Variants in COL23A1 observed in about 807,000 individuals in gnomAD.
The protein encoded by COL23A1 is collagen type XXIII alpha 1 chain, also known as collagen alpha-1(XXIII) chain.
Under a neutral mutation model 99.3 loss-of-function variants are expected in COL23A1, and 97 were observed. That is an observed-to-expected ratio of 0.98 (90% CI 0.83 to 1.16). The LOEUF is 1.16. COL23A1 is among the 50% of genes most tolerant of loss of function. COL23A1 has a pLI of 0.00. For synonymous variants in COL23A1, 320 were observed against 308.2 expected (o/e 1.04, Z -0.40); for missense variants, 762 against 757.4 (o/e 1.01, Z -0.07).
rs112080947 is a variant in COL23A1, at chr5:178,246,008, G to A, written c.1414-40C>T. 6.2e-4 allele frequency: 992 copies of A among 1,612,486 alleles called. 1 individual carries two copies. The African/African-American group carries it at 7.2e-3, about 12-fold the overall frequency. On this transcript the variant is annotated intron_variant, in intron 24 of 28. Transcript: ENST00000390654. ...AGAGTGGGTGAGAGGGGTTGGGGAG[G>A]GGTGCTGGGAGCACAGCTGCTGGGA...
chr5:178,312,800 G>GACA (rs58982135), intron 2 of COL23A1, among the ~76,000 whole-genome samples: 10,332 of 152,140 alleles, frequency 0.068, 684 homozygotes, highest in African/African-American at 0.17. Flanking sequence ...AGCCCCTGAG[G>GACA]ACAGGGGGTT....
chr5:178,391,542 C>T (rs1763962717), intron 2 of COL23A1, among the ~76,000 whole-genome samples: 1 of 152,180 alleles, frequency 6.6e-6, no homozygotes, highest in Admixed American at 6.5e-5. Flanking sequence ...CCACTTCACT[C>T]CCACTAGGAT....
intron 2 of COL23A1, among the ~76,000 whole-genome samples, chr5:178,447,093 T>A (rs961857721): frequency 1.8e-4 from 25 of 141,486 alleles, no homozygotes; most frequent in African/African-American, 7.2e-4. Flanking sequence ...TCTTTTTTTA[T>A]TATTATTTTT....
chr5:178,357,298 C>G (rs1267208076), intron 2 of COL23A1, among the ~76,000 whole-genome samples: 3 of 152,134 alleles, frequency 2.0e-5, no homozygotes, highest in African/African-American at 7.2e-5. Flanking sequence ...CTGGTCTGTC[C>G]ACGCCCTCAG....
At chr5:178,585,679 G>GTTGGCGCTGGGGT (rs1763939658) in intron 1 of COL23A1, among the ~76,000 whole-genome samples, 2 of 152,100 alleles carry the variant, frequency 1.3e-5, no homozygotes, top group African/African-American at 4.8e-5. Flanking sequence ...CACAGCCCTG[G>GTTGGCGCTGGGGT]ATGGCGCTGG....
intron 2 of COL23A1, among the ~76,000 whole-genome samples, chr5:178,494,393 T>C (rs914419836): frequency 5.3e-5 from 8 of 152,004 alleles, no homozygotes; most frequent in African/African-American, 1.9e-4. Context: ...TGGGGGTTGC[T>C]CCCCACAGGG....
intron 2 of COL23A1, among the ~76,000 whole-genome samples, chr5:178,420,416 C>T (rs1455754106): frequency 4.1e-5 from 2 of 48,982 alleles, no homozygotes; most frequent in East Asian, 1.9e-3. Context: ...GAGATGTGAC[C>T]TCCCTTCTCC....
chr5:178,323,957 T>A (rs1013052393), intron 2 of COL23A1, among the ~76,000 whole-genome samples: 7 of 152,166 alleles, frequency 4.6e-5, no homozygotes, highest in African/African-American at 1.7e-4. Flanking sequence ...AAAACCCGGA[T>A]GTGTTCAATT....
chr5:178,251,918 T>TTTA (rs1250775478), intron 17 of COL23A1, among the ~76,000 whole-genome samples: 7 of 133,856 alleles, frequency 5.2e-5, no homozygotes, highest in African/African-American at 1.8e-4. Context: ...TCTTTTTTTT[T>TTTA]TTTTTTTATT....
intron 2 of COL23A1, among the ~76,000 whole-genome samples, chr5:178,382,434 TCTG>T (rs1763434272): frequency 6.6e-6 from 1 of 151,050 alleles, no homozygotes. Context: ...CTCCTCCTCC[TCTG>T]GAGGCTGGGC....
rs1766094139 is a variant in COL23A1, at chr5:178,428,891, C to T, written c.362-121972G>A. Among the ~76,000 whole-genome samples, 1 of 152,122 alleles carries T rather than the reference C, an allele frequency of 6.6e-6. No individual in the cohort carries two copies. Among genetic ancestry groups the T allele is most frequent in the African/African-American group, 2.4e-5 (1 of 41,420 alleles). ...GGGGTGGGGGCAGGGCTGCCTTTGC[C>T]TCCCTATTGTTTCCAAGCCAGCTCC... On this transcript the variant is annotated intron_variant, in intron 2 of 28. Transcript: ENST00000390654. The surrounding 1 kb of genome is among the most constrained non-coding windows in gnomAD (Gnocchi z 5.0).
At position 178,436,176 on chromosome 5, in the gene COL23A1, T is replaced by C. The variant is rs563712969; in HGVS notation, c.361+124506A>G. Among the ~76,000 whole-genome samples, 67 of 152,206 alleles carry C rather than the reference T, an allele frequency of 4.4e-4. 1 individual carries two copies. Among genetic ancestry groups the C allele is most frequent in the African/African-American group, 1.4e-3 (57 of 41,524 alleles). Reference sequence around the variant, plus strand: ...AATGGGGGCATAGCAAGGACCCTCCTGGAAAAGTTGGGGGTGAGGTAGCCC... The same window carrying C: ...AATGGGGGCATAGCAAGGACCCTCCCGGAAAAGTTGGGGGTGAGGTAGCCC... On this transcript the variant is annotated intron_variant, in intron 2 of 28. Coordinates refer to ENST00000390654, the MANE Select transcript of COL23A1 (RefSeq NM_173465.4).
chr5:178,238,750 G>GC (rs759545126), intron 28 of COL23A1, 50 bp from the exon 29 acceptor site: 5 of 1,611,798 alleles, frequency 3.1e-6, no homozygotes, highest in Non-Finnish European at 4.2e-6. Context: ...GAGAAGCTCC[G>GC]CCCCCATCCA....
chr5:178,426,921 G>T (rs565846423), intron 2 of COL23A1, among the ~76,000 whole-genome samples: 2 of 152,240 alleles, frequency 1.3e-5, no homozygotes, highest in Admixed American at 6.5e-5. Flanking sequence ...GATGAGGCCA[G>T]TGTGGTGGCT....
At chr5:178,352,487 C>G (rs1761386492) in intron 2 of COL23A1, among the ~76,000 whole-genome samples, 1 of 152,190 alleles carries the variant, frequency 6.6e-6, no homozygotes, top group South Asian at 2.1e-4. Context: ...GCTTACAATT[C>G]TCATAAGGAG....
chr5:178,252,488 G>A (rs1765088066), intron 17 of COL23A1, 56 bp downstream of exon 17: 2 of 1,506,984 alleles, frequency 1.3e-6, no homozygotes, highest in Non-Finnish European at 1.8e-6. Context: ...CAGGAAGAGG[G>A]AGGTGGGCCC....
chr5:178,448,610 G>A (rs1767303597), intron 2 of COL23A1, among the ~76,000 whole-genome samples: 1 of 152,174 alleles, frequency 6.6e-6, no homozygotes, highest in South Asian at 2.1e-4. Flanking sequence ...ATTACAAGGT[G>A]AGAGAGAGAG....
At chr5:178,533,848 A>G (rs944874722) in intron 2 of COL23A1, among the ~76,000 whole-genome samples, 3 of 152,196 alleles carry the variant, frequency 2.0e-5, no homozygotes, top group African/African-American at 7.2e-5. Context: ...AATATATAAT[A>G]TATAAAAATA....
At chr5:178,424,560 G>T (rs1429672814) in intron 2 of COL23A1, among the ~76,000 whole-genome samples, 2 of 152,322 alleles carry the variant, frequency 1.3e-5, no homozygotes, top group African/African-American at 4.8e-5. Context: ...CAGTGCTAGG[G>T]CCAGGACAAG....
Sources: allele counts gnomAD v4.1 joint callset (sites outside exome capture counted in the v4.1 genomes callset), GRCh38; gene constraint gnomAD v4.1.1; non-coding constraint Gnocchi (gnomAD v3.1); transcripts MANE v1.5; gene names NCBI Gene and HGNC (gene_info 2026-07-23, HGNC 2026-07-21).